Variants in PATJ observed in about 807,000 individuals in gnomAD.
The protein encoded by PATJ is inaD-like protein.
PATJ carries 190 observed loss-of-function variants against 224.9 expected under a neutral mutation model. The observed-to-expected ratio is 0.84, with a 90% confidence interval of 0.75 to 0.95. PATJ has a LOEUF of 0.95. PATJ is among the 40% of genes least tolerant of loss of function. The probability of loss-of-function intolerance (pLI) is 0.00; values close to 1 mark genes in which losing one functional copy is unlikely to be tolerated. For synonymous variants in PATJ, 769 were observed against 820.3 expected (o/e 0.94, Z 1.07); for missense variants, 2,121 against 2,270.3 (o/e 0.93, Z 1.34).
chr1:61,854,362 G>A lies in PATJ; in HGVS notation c.2113-1668G>A, dbSNP rs113992092. 4.8e-3 allele frequency among the ~76,000 whole-genome samples: 736 copies of A among 152,314 alleles called. 14 individuals carry two copies. Among genetic ancestry groups the A allele is most frequent in the African/African-American group, 0.017 (692 of 41,582 alleles). ...GAGAAACCAACGTGAATGCTGCTGT[G>A]ATTGGGATGTCATTTTTTCTCTCCC... On this transcript the variant is annotated intron_variant, in intron 17 of 43. Transcript: ENST00000642238.
chr1:61,940,560 CAA>C (rs1677660838), intron 27 of PATJ, among the ~76,000 whole-genome samples: 1 of 151,776 alleles, frequency 6.6e-6, no homozygotes, highest in South Asian at 2.1e-4. Flanking sequence ...ACTAAAAATA[CAA>C]AAAATCAGCT....
At position 61,937,942 on chromosome 1, in the gene PATJ, G is replaced by A. The variant is rs184998834; in HGVS notation, c.3670+10113G>A. 9.1e-4 allele frequency among the ~76,000 whole-genome samples: 139 copies of A among 152,254 alleles called. 2 individuals are homozygous for A. The highest frequency in any genetic ancestry group is 3.0e-3 in the African/African-American group (126 of 41,556). Reference sequence around the variant, plus strand: ...TGGGATTGCAGGCATGAGCCACCACGCCTGGCCTAGGGACTTGCCTTTTTT... The same window carrying A: ...TGGGATTGCAGGCATGAGCCACCACACCTGGCCTAGGGACTTGCCTTTTTT... On this transcript the variant is annotated intron_variant, in intron 27 of 43. Transcript: ENST00000642238.
intron 28 of PATJ, chr1:62,013,553 T>C (rs1210202886): frequency 1.0e-6 from 1 of 956,658 alleles, no homozygotes; most frequent in African/African-American, 1.8e-5. Context: ...CCTGCGCTGA[T>C]GGTTACTGCC....
intron 16 of PATJ, 125 bp from the exon 17 acceptor site, chr1:61,833,529 G>A (rs1049161950): frequency 1.1e-6 from 1 of 912,466 alleles, no homozygotes; most frequent in African/African-American, 1.7e-5. Context: ...AGATTAAAAA[G>A]AAAAACTACG....
Position 61,777,687 on chromosome 1 carries a change from T to TTTTC in PATJ, c.849+2369_849+2372dup, listed in dbSNP as rs1240642458. 5.2e-3 allele frequency among the ~76,000 whole-genome samples: 588 copies of TTTTC among 112,184 alleles called. 32 individuals are homozygous for TTTTC. The highest frequency in any genetic ancestry group is 0.02 in the African/African-American group (554 of 27,992). 73.6% of individuals were successfully genotyped at this position (112,184 alleles called of 152,430 possible). A position where few individuals can be genotyped will look rare whatever the true frequency, so the allele number is the denominator to read the frequency against. On this transcript the variant is annotated intron_variant, in intron 7 of 43. Transcript: ENST00000642238. ...GAATGGATATTCTATTTTCTTCCTT[T>TTTTC]TTTCTTTCTTTCTTTCTTTTTTTTT... is the stretch of plus-strand genomic sequence containing the variant.
In PATJ at chr1:62,038,823, G is replaced by A. The variant is rs141170288; in HGVS notation, c.4032+774G>A. ...CAACACGTGTTCAGGGTTCTGGGCC[G>A]GGGTGGACGGTGGGTGGGATGGAGG... is the stretch of plus-strand genomic sequence containing the variant. On this transcript the variant is annotated intron_variant, in intron 30 of 43. Transcript: ENST00000642238. The A allele has an allele frequency of 2.3e-3, 1,534 of 680,792 alleles. 6 individuals carry two copies. The highest frequency in any genetic ancestry group is 4.9e-3 in the South Asian group (345 of 70,206). 42.2% of individuals were successfully genotyped at this position (680,792 alleles called of 1,614,324 possible). A position where few individuals can be genotyped will look rare whatever the true frequency, so the allele number is the denominator to read the frequency against.
chr1:62,002,778 G>A (rs1213456586), intron 28 of PATJ, among the ~76,000 whole-genome samples: 1 of 151,530 alleles, frequency 6.6e-6, no homozygotes, highest in Admixed American at 6.6e-5. Context: ...GTTAGGGAGT[G>A]ATAGAGTCCT....
chr1:62,120,861 T>G, intron 37 of PATJ: 1 of 269,410 alleles, frequency 3.7e-6, no homozygotes, highest in Non-Finnish European at 6.9e-6. Flanking sequence ...ATAAACACTA[T>G]GTGGCAACCT....
At chr1:61,944,104 A>G (rs1678278345) in intron 27 of PATJ, among the ~76,000 whole-genome samples, 1 of 152,194 alleles carries the variant, frequency 6.6e-6, no homozygotes, top group East Asian at 1.9e-4. Flanking sequence ...AGATAAAACC[A>G]TGGAGATGGG....
intron 41 of PATJ, among the ~76,000 whole-genome samples, chr1:62,136,501 G>GTT (rs978216796): frequency 1.3e-4 from 19 of 150,106 alleles, no homozygotes; most frequent in Non-Finnish European, 2.4e-4. Flanking sequence ...GTGTGTGTGT[G>GTT]TTTTTCTGTA....
intron 28 of PATJ, among the ~76,000 whole-genome samples, chr1:61,990,758 G>A (rs1020573783): frequency 2.6e-5 from 4 of 152,046 alleles, no homozygotes; most frequent in African/African-American, 9.7e-5. Flanking sequence ...TTGGGGGGAA[G>A]TGGGGAAGAT....
Position 61,769,975 on chromosome 1 carries a change from G to C in PATJ, c.524+553G>C, listed in dbSNP as rs113532531. Reference sequence around the variant, plus strand: ...TTGCATTTGCTTTTATTTTTTAAGGGGTATTTGCAAGCCTTTTATTTTGTC... The same window carrying C: ...TTGCATTTGCTTTTATTTTTTAAGGCGTATTTGCAAGCCTTTTATTTTGTC... On this transcript the variant is annotated intron_variant, in intron 5 of 43. Transcript: ENST00000642238. Among the ~76,000 whole-genome samples, 363 of 151,936 alleles carry C rather than the reference G, an allele frequency of 2.4e-3. 3 individuals are homozygous for C. The highest frequency in any genetic ancestry group is 8.3e-3 in the African/African-American group (346 of 41,440).
chr1:61,818,149 T>C (rs1045157292), intron 14 of PATJ, among the ~76,000 whole-genome samples: 1 of 152,188 alleles, frequency 6.6e-6, no homozygotes, highest in African/African-American at 2.4e-5. Flanking sequence ...TCATGATAGG[T>C]CTCGCCACTT....
chr1:61,977,025 T>C (rs978538028), intron 27 of PATJ, among the ~76,000 whole-genome samples: 6 of 152,106 alleles, frequency 3.9e-5, no homozygotes, highest in Non-Finnish European at 8.8e-5. Context: ...CAAAAAATAT[T>C]CTTACAATTG....
At chr1:61,954,989 A>G in intron 27 of PATJ, among the ~76,000 whole-genome samples, 1 of 152,052 alleles carries the variant, frequency 6.6e-6, no homozygotes. Flanking sequence ...TTCTGACCTC[A>G]TGATCCTCCA....
chr1:61,786,739 C>G (rs1251455922), intron 7 of PATJ, among the ~76,000 whole-genome samples: 1 of 152,090 alleles, frequency 6.6e-6, no homozygotes, highest in Non-Finnish European at 1.5e-5. Context: ...TGCCTGTAAT[C>G]CCAGCACTTT....
At chr1:62,133,143 T>G (rs938471431) in intron 41 of PATJ, among the ~76,000 whole-genome samples, 2 of 145,708 alleles carry the variant, frequency 1.4e-5, no homozygotes, top group Non-Finnish European at 3.0e-5. Flanking sequence ...AATAGGCATA[T>G]AAGAATATTA....
intron 27 of PATJ, among the ~76,000 whole-genome samples, chr1:61,980,831 C>T (rs1224435541): frequency 5.3e-5 from 8 of 152,062 alleles, no homozygotes; most frequent in Admixed American, 2.0e-4. Flanking sequence ...TACCATTTCT[C>T]TCTTAAGTTT....
At chr1:61,817,092 C>T (rs182082548) in intron 14 of PATJ, among the ~76,000 whole-genome samples, 5 of 152,280 alleles carry the variant, frequency 3.3e-5, no homozygotes, top group African/African-American at 7.2e-5. Flanking sequence ...GAACTATGCT[C>T]TGAAGAATAG....
Sources: allele counts gnomAD v4.1 joint callset (sites outside exome capture counted in the v4.1 genomes callset), GRCh38; gene constraint gnomAD v4.1.1; transcripts MANE v1.5; gene names NCBI Gene and HGNC (gene_info 2026-07-23, HGNC 2026-07-21).